MCF2: variants seen among roughly 807,000 people sequenced by gnomAD.
The protein encoded by MCF2 is proto-oncogene DBL.
A neutral mutation model predicts 82.5 loss-of-function variants in MCF2; 44 were observed. The ratio of observed to expected loss-of-function variants is 0.53; its 90% CI spans 0.42 to 0.69. The LOEUF (loss-of-function observed/expected upper bound fraction) is 0.69, where lower values mean the gene tolerates loss of function less well. Ranked by LOEUF, MCF2 falls within the 30% of genes least tolerant of loss-of-function variation. The pLI, the probability that MCF2 is intolerant of heterozygous loss-of-function variation, is 0.00. For missense variants in MCF2, 623 were observed against 663.1 expected (o/e 0.94, Z 0.66); for synonymous variants, 217 against 224.9 (o/e 0.96, Z 0.32).
At chrX:139,681,839 G>A (rs17002213) in intron 1 of MCF2, among the ~76,000 whole-genome samples, 1,833 of 112,178 alleles carry the variant, frequency 0.016, 40 homozygotes, top group African/African-American at 0.056. Context: ...AACCTCCTAT[G>A]TCCTCACACA....
intron 1 of MCF2, among the ~76,000 whole-genome samples, chrX:139,653,469 G>T (rs1249939719): frequency 9.0e-6 from 1 of 111,526 alleles, no homozygotes. Flanking sequence ...TGAACAACTT[G>T]ATTCTCTGAT....
chrX:139,602,289 AACTCATAT>A, intron 16 of MCF2, 109 bp downstream of exon 20: 2 of 574,299 alleles, frequency 3.5e-6, no homozygotes, highest in Non-Finnish European at 5.8e-6. Flanking sequence ...TTTGCTCTTT[AACTCATAT>A]ACGTATATGC....
intron 7 of MCF2, among the ~76,000 whole-genome samples, chrX:139,619,322 C>G (rs1932156478): frequency 9.1e-6 from 1 of 109,868 alleles, no homozygotes; most frequent in African/African-American, 3.3e-5. Context: ...GCCTGATATA[C>G]AGAATGTTGT....
At chrX:139,673,888 G>A (rs756251392) in intron 1 of MCF2, among the ~76,000 whole-genome samples, 10 of 111,469 alleles carry the variant, frequency 9.0e-5, no homozygotes, top group East Asian at 2.8e-4. Flanking sequence ...CTTCTGTCTC[G>A]TTGATCTGTC....
chrX:139,593,264 T>G (rs1443334234), intron 19 of MCF2, among the ~76,000 whole-genome samples: 1 of 111,502 alleles, frequency 9.0e-6, no homozygotes. Context: ...TTGCGTCTAT[T>G]TGATTCTTCT....
rs1242365871 is a variant in MCF2, at chrX:139,651,715, C to T, written c.25+5G>A. On this transcript the variant is annotated splice_donor_5th_base_variant and intron_variant, in intron 2 of 27. Coordinates refer to the MCF2 transcript ENST00000414978. The stretch of plus-strand genomic sequence containing the variant: ...TCTGGACTATATATAAGAAAGTTTG[C>T]TTACCAGACAAGAAGGCGATGTCTT... The T allele has an allele frequency of 6.2e-6, 7 of 1,135,856 alleles. No homozygotes were observed. The highest frequency in any genetic ancestry group is 3.9e-5 in the South Asian group (2 of 51,508). 93.6% of individuals were successfully genotyped at this position (1,135,856 alleles called of 1,213,427 possible). A position where few individuals can be genotyped will look rare whatever the true frequency, so the allele number is the denominator to read the frequency against.
At chrX:139,670,151 T>C (rs1243357921) in intron 1 of MCF2, among the ~76,000 whole-genome samples, 1 of 110,665 alleles carries the variant, frequency 9.0e-6, no homozygotes, top group African/African-American at 3.3e-5. Flanking sequence ...CACTTATCTT[T>C]TCAAAAGGAT....
At chrX:139,600,524 T>C (rs772999354) in intron 16 of MCF2, among the ~76,000 whole-genome samples, 2 of 111,125 alleles carry the variant, frequency 1.8e-5, no homozygotes, top group African/African-American at 6.5e-5. Context: ...ATTCAAGTAC[T>C]CTCCATGTTA....
At chrX:139,589,644 C>T (rs190569122) in intron 20 of MCF2, among the ~76,000 whole-genome samples, 191 bp downstream of exon 24, 6 of 112,102 alleles carry the variant, frequency 5.4e-5, no homozygotes, top group African/African-American at 1.6e-4. Flanking sequence ...GAGAACACCA[C>T]AGGCATATCT....
At chrX:139,659,615 T>G (rs1184948908) in intron 1 of MCF2, among the ~76,000 whole-genome samples, 1 of 111,853 alleles carries the variant, frequency 8.9e-6, no homozygotes, top group Non-Finnish European at 1.9e-5. Flanking sequence ...AAATATGAGT[T>G]CTGAACCAGG....
At chrX:139,675,191 G>A (rs1303947688) in intron 1 of MCF2, among the ~76,000 whole-genome samples, 10 of 108,351 alleles carry the variant, frequency 9.2e-5, no homozygotes, top group Admixed American at 2.9e-4. Context: ...ATTCTAGTTC[G>A]CCATTCGTCT....
intron 1 of MCF2, among the ~76,000 whole-genome samples, chrX:139,685,339 G>A (rs932555946): frequency 1.8e-5 from 2 of 110,810 alleles, no homozygotes; most frequent in Non-Finnish European, 3.8e-5. Context: ...TCCACAAGCA[G>A]ACAGCCCGGC....
chrX:139,585,200 T>C (rs746327028), intron 23 of MCF2, 22 bp from the exon 28 acceptor site: 12 of 961,182 alleles, frequency 1.2e-5, no homozygotes, highest in Admixed American at 7.2e-5. Context: ...GTGTGGAATG[T>C]GGCAGTTACT....
At chrX:139,629,600 C>T (rs1431157936) in intron 4 of MCF2, 95 bp downstream of exon 7, 4 of 786,916 alleles carry the variant, frequency 5.1e-6, no homozygotes, top group Non-Finnish European at 5.5e-6. Context: ...CTTTTATCTC[C>T]CCTTATGCAA....
intron 2 of MCF2, among the ~76,000 whole-genome samples, chrX:139,650,746 G>A (rs898610690): frequency 4.5e-5 from 5 of 111,795 alleles, no homozygotes; most frequent in East Asian, 2.8e-4. Flanking sequence ...GCTATTTAGC[G>A]GCATTATTCA....
At chrX:139,649,518 T>C (rs1569383026) in intron 2 of MCF2, among the ~76,000 whole-genome samples, 1 of 111,820 alleles carries the variant, frequency 8.9e-6, no homozygotes, top group African/African-American at 3.2e-5. Context: ...CAGAACCATC[T>C]AGCACTTAGG....
At chrX:139,698,785 G>A (rs1197302437) in intron 1 of MCF2, among the ~76,000 whole-genome samples, 1 of 111,853 alleles carries the variant, frequency 8.9e-6, no homozygotes, top group Non-Finnish European at 1.9e-5. Flanking sequence ...GTTCATATAA[G>A]GACAAATTTA....
rs1356721128 is a variant in MCF2, at chrX:139,692,451, G to A, written c.-45+15655C>T. Among the ~76,000 whole-genome samples, 7 of 111,680 alleles carry A rather than the reference G, an allele frequency of 6.3e-5. No homozygotes were observed. The East Asian group carries it at 2.0e-3, about 32-fold the overall frequency. On this transcript the variant is annotated intron_variant, in intron 1 of 27. Coordinates refer to the MCF2 transcript ENST00000414978. ...GCGCTCTGGCCCCCGCCGCTGCGAGGGCAACTCTCCCTGGGTGCGCACACC... is the reference window on the plus strand; with the variant it reads ...GCGCTCTGGCCCCCGCCGCTGCGAGAGCAACTCTCCCTGGGTGCGCACACC...
At chrX:139,613,897 T>C (rs1196796155) in intron 10 of MCF2, among the ~76,000 whole-genome samples, 1 of 111,536 alleles carries the variant, frequency 9.0e-6, no homozygotes, top group Non-Finnish European at 1.9e-5. Context: ...ACTTTCATAA[T>C]CTTAGCCTAG....
Sources: gnomAD v4.1 joint callset for allele counts (sites outside exome capture counted in the v4.1 genomes callset) on GRCh38, gnomAD v4.1.1 for gene constraint, MANE v1.5 for transcripts, NCBI Gene and HGNC (gene_info 2026-07-23, HGNC 2026-07-21) for gene names.